PPP2R2C: variants seen among roughly 807,000 people sequenced by gnomAD.
The protein encoded by PPP2R2C is protein phosphatase 2, regulatory subunit B, gamma.
A neutral mutation model predicts 45.3 loss-of-function variants in PPP2R2C; 10 were observed. The observed-to-expected ratio is 0.22, with a 90% CI of 0.14 to 0.37. The LOEUF (loss-of-function observed/expected upper bound fraction) is 0.37, where lower values mean the gene tolerates loss of function less well. Among genes scored for constraint, PPP2R2C ranks in the 10% least tolerant of loss-of-function variants. The probability of loss-of-function intolerance (pLI) is 1.00; values close to 1 mark genes in which losing one functional copy is unlikely to be tolerated. For missense variants in PPP2R2C, 308 were observed against 619.7 expected, an observed-to-expected ratio of 0.50 and a Z score of 5.34; for synonymous variants, 257 against 245.4, an observed-to-expected ratio of 1.05 and a Z score of -0.44.
At chr4:6,385,572 A>AT in intron 1 of PPP2R2C, among the ~76,000 whole-genome samples, 1 of 151,372 alleles carries the variant, frequency 6.6e-6, no homozygotes, top group Admixed American at 6.6e-5. Context: ...CTTTTATTTT[A>AT]TTTATTTATT....
At chr4:6,461,721 C>A (rs547792120) in intron 1 of PPP2R2C, among the ~76,000 whole-genome samples, 3 of 152,198 alleles carry the variant, frequency 2.0e-5, no homozygotes, top group Non-Finnish European at 2.9e-5. Context: ...TGGTATTAAT[C>A]AGAGTAACAA....
At position 6,337,128 on chromosome 4, in the gene PPP2R2C, AT is replaced by A. The variant is rs1733031146; in HGVS notation, c.791-3398del. Among the ~76,000 whole-genome samples the A allele has an allele frequency of 1.4e-4, 7 of 49,210 alleles. 1 individual carries two copies. 32.3% of individuals were successfully genotyped at this position (49,210 alleles called of 152,430 possible). A position where few individuals can be genotyped will look rare whatever the true frequency, so the allele number is the denominator to read the frequency against. On this transcript the variant is annotated intron_variant, in intron 6 of 8. Transcript: ENST00000382599. ...TGTGTGTGTGTATATATATATATAT[AT>A]ATATATATATATATATATATATATA...
At chr4:6,344,381 C>G (rs1012416598) in intron 6 of PPP2R2C, among the ~76,000 whole-genome samples, 1 of 152,198 alleles carries the variant, frequency 6.6e-6, no homozygotes, top group Non-Finnish European at 1.5e-5. Flanking sequence ...TATGAAATTA[C>G]GTGGCTGAAA....
chr4:6,463,272 G>T (rs1217427058), intron 1 of PPP2R2C, among the ~76,000 whole-genome samples: 1 of 151,998 alleles, frequency 6.6e-6, no homozygotes, highest in Non-Finnish European at 1.5e-5. Context: ...GCTGCCAAGG[G>T]CACGGCAGCT....
chr4:6,432,593 G>T (rs1210391305), intron 1 of PPP2R2C, among the ~76,000 whole-genome samples: 1 of 152,206 alleles, frequency 6.6e-6, no homozygotes, highest in Non-Finnish European at 1.5e-5. Context: ...CAGTAATATG[G>T]TGCACAGGTC....
At chr4:6,391,501 A>C (rs1716639603) in intron 1 of PPP2R2C, among the ~76,000 whole-genome samples, 1 of 152,264 alleles carries the variant, frequency 6.6e-6, no homozygotes, top group Non-Finnish European at 1.5e-5. Flanking sequence ...AGCACACCGT[A>C]ATAGCAGAGC....
intron 1 of PPP2R2C, among the ~76,000 whole-genome samples, chr4:6,422,818 G>A (rs1344735648): frequency 6.6e-6 from 1 of 152,204 alleles, no homozygotes; most frequent in Non-Finnish European, 1.5e-5. Flanking sequence ...ACTTCAACAT[G>A]TGAGTTTTGG....
intron 1 of PPP2R2C, among the ~76,000 whole-genome samples, chr4:6,446,756 G>T (rs1174198285): frequency 6.6e-6 from 1 of 152,038 alleles, no homozygotes; most frequent in Non-Finnish European, 1.5e-5. Flanking sequence ...CTGCTTGATG[G>T]AATCCTCACC....
intron 1 of PPP2R2C, among the ~76,000 whole-genome samples, chr4:6,454,345 T>C (rs1007310251): frequency 1.3e-5 from 2 of 152,134 alleles, no homozygotes; most frequent in African/African-American, 2.4e-5. Flanking sequence ...TTGAACTAAA[T>C]GAAGGTGACA....
At chr4:6,543,172 G>A (rs1020491683) in intron 1 of PPP2R2C, among the ~76,000 whole-genome samples, 2 of 152,156 alleles carry the variant, frequency 1.3e-5, no homozygotes, top group African/African-American at 2.4e-5. Flanking sequence ...AAGGCAGGAC[G>A]GCGTGGATGC....
At position 6,332,840 on chromosome 4, in the gene PPP2R2C, G is replaced by T. The variant is rs73795974; in HGVS notation, c.960+722C>A. On this transcript the variant is annotated intron_variant, in intron 7 of 8. Transcript: ENST00000382599. This position sits in a 1 kb window ranked among gnomAD's most constrained non-coding sequence, Gnocchi z 4.9. ...GTGGGGTGTTTTCCCACCCATGTTT[G>T]CACGGCCAGATCTTACCCATCCTTC... Among the ~76,000 whole-genome samples, 1,582 of 152,204 alleles carry T rather than the reference G, an allele frequency of 0.01. 24 individuals carry two copies. The highest frequency in any genetic ancestry group is 0.037 in the African/African-American group (1,527 of 41,496).
At chr4:6,493,416 T>A (rs934560299) in intron 2 of PPP2R2C, among the ~76,000 whole-genome samples, 1 of 151,204 alleles carries the variant, frequency 6.6e-6, no homozygotes, top group African/African-American at 2.4e-5. Flanking sequence ...CACTGTCCTA[T>A]CCCAAGCAGG....
At chr4:6,341,373 A>T (rs1733432840) in intron 6 of PPP2R2C, among the ~76,000 whole-genome samples, 1 of 151,296 alleles carries the variant, frequency 6.6e-6, no homozygotes, top group Non-Finnish European at 1.5e-5. Context: ...GCTCACCCAC[A>T]ATTCCTGTAA....
At chr4:6,557,592 A>G (rs1267409307) in intron 1 of PPP2R2C, among the ~76,000 whole-genome samples, 1 of 152,154 alleles carries the variant, frequency 6.6e-6, no homozygotes, top group African/African-American at 2.4e-5. Context: ...AGGGCCCGGG[A>G]CAGGAGAGAG....
chr4:6,528,339 A>T (rs13105372), intron 2 of PPP2R2C, among the ~76,000 whole-genome samples: 44,081 of 152,128 alleles, frequency 0.29, 7,078 homozygotes, highest in Admixed American at 0.36. Flanking sequence ...AGGGGCTTCC[A>T]GGGCCTGTGC....
intron 2 of PPP2R2C, among the ~76,000 whole-genome samples, chr4:6,511,731 G>GAT (rs1723540321): frequency 1.7e-5 from 1 of 57,816 alleles, no homozygotes. Flanking sequence ...TGATGGTGGT[G>GAT]GAGGTGATGG....
intron 1 of PPP2R2C, chr4:6,382,673 TCTCACACACA>T (rs1715922443): frequency 1.5e-5 from 2 of 134,604 alleles, no homozygotes; most frequent in African/African-American, 8.1e-5. Flanking sequence ...TCTCTCTCTC[TCTCACACACA>T]CACACACACA....
Position 6,413,892 on chromosome 4 carries a change from C to A in PPP2R2C, c.71-32798G>T, listed in dbSNP as rs775086954. The stretch of plus-strand genomic sequence containing the variant: ...TCCCAACTCTCATGATGCCCCACAG[C>A]CCCTGCTCACCCGTGTCTCTCTTTC... On this transcript the variant is annotated intron_variant, in intron 1 of 8. Coordinates refer to ENST00000382599, the MANE Select transcript of PPP2R2C (RefSeq NM_020416.4). The A allele has an allele frequency of 1.4e-5, 22 of 1,536,056 alleles. No homozygotes were observed. In the South Asian group the frequency reaches 2.5e-4, roughly 17 times the overall value.
chr4:6,481,531 G>A (rs1722347039), intron 2 of PPP2R2C, among the ~76,000 whole-genome samples: 1 of 152,078 alleles, frequency 6.6e-6, no homozygotes, highest in Non-Finnish European at 1.5e-5. Context: ...TGGCCCATGT[G>A]GCAGTACTAC....
Sources: allele counts gnomAD v4.1 joint callset (sites outside exome capture counted in the v4.1 genomes callset), GRCh38; gene constraint gnomAD v4.1.1; non-coding constraint Gnocchi (gnomAD v3.1); transcripts MANE v1.5; gene names NCBI Gene and HGNC (gene_info 2026-07-23, HGNC 2026-07-21).